The following CSF1R variants were observed in gnomAD, a reference collection of about 807,000 sequenced individuals.
The protein encoded by CSF1R is macrophage colony-stimulating factor 1 receptor.
In CSF1R, 40 loss-of-function variants were observed where a neutral mutation model predicts 110.0. That is an observed-to-expected ratio of 0.36 (90% CI 0.28 to 0.47). CSF1R has a LOEUF of 0.47. Among genes scored for constraint, CSF1R ranks in the 20% least tolerant of loss-of-function variants. CSF1R has a pLI of 0.99. For missense variants in CSF1R, 1,052 were observed against 1,253.0 expected, an observed-to-expected ratio of 0.84 and a Z score of 2.42; for synonymous variants, 523 against 503.4, an observed-to-expected ratio of 1.04 and a Z score of -0.52.
At position 150,073,607 on chromosome 5, in the gene CSF1R, A is replaced by G. The variant is rs1364589723; in HGVS notation, c.890-114T>C. The G allele has an allele frequency of 6.3e-5, 66 of 1,055,626 alleles. No homozygotes were observed. The East Asian group carries it at 1.7e-3, about 27-fold the overall frequency. 65.4% of individuals were successfully genotyped at this position (1,055,626 alleles called of 1,614,324 possible). ...CCCTGAGCAGCTATGTCACAGGTAC[A>G]TAGTCCCCACCACCCAAGACAGGTC... is the stretch of plus-strand genomic sequence containing the variant. On this transcript the variant is annotated intron_variant, in intron 5 of 20. Transcript: ENST00000675795.
In CSF1R at chr5:150,070,568, G is replaced by A. The variant is rs2113810247; in HGVS notation, c.1086C>T (p.His362=). 2 of 1,523,206 alleles carry A rather than the reference G, an allele frequency of 1.3e-6. No individual in the cohort carries two copies. Among genetic ancestry groups the A allele is most frequent in the Non-Finnish European group, 1.8e-6 (2 of 1,134,704 alleles). The allele number at this position is 1,523,206 out of a possible 1,614,324, so 94.4% of individuals were successfully genotyped here. The part of the protein sequence containing the change: ...ANATTKDTYR[H]TFTLSLPRLK... ...GGCGGGGCAGAGAGAGGGTGAAGGTGTGCCTGCAGGAGAGAATCAGGTGGT... is the reference window on the plus strand; with the variant it reads ...GGCGGGGCAGAGAGAGGGTGAAGGTATGCCTGCAGGAGAGAATCAGGTGGT... Residue 362 remains histidine, a synonymous_variant, in exon 7 of 21, where the codon CAC becomes CAT. Coordinates refer to ENST00000675795, the MANE Select transcript of CSF1R (RefSeq NM_001288705.3).
chr5:150,075,890 A>C (rs1758239009), intron 5 of CSF1R, among the ~76,000 whole-genome samples: 2 of 152,242 alleles, frequency 1.3e-5, no homozygotes, highest in Non-Finnish European at 2.9e-5. Flanking sequence ...GGTCCACAGC[A>C]GAGCTCACAA....
At chr5:150,108,104 CAAG>C (rs1028066970) in intron 1 of CSF1R, among the ~76,000 whole-genome samples, 60 of 151,994 alleles carry the variant, frequency 3.9e-4, no homozygotes, top group African/African-American at 1.5e-3. Context: ...AGGAATGTTC[CAAG>C]AAGGAGAAAC....
chr5:150,102,793 G>A (rs527395258), intron 1 of CSF1R, among the ~76,000 whole-genome samples: 11 of 152,300 alleles, frequency 7.2e-5, no homozygotes, highest in East Asian at 3.9e-4. Context: ...TGAACTATTC[G>A]TTATCTGTAT....
Position 150,070,020 on chromosome 5 carries a change from G to T in CSF1R, c.1363C>A (p.Pro455Thr). The change falls in exon 9 of 21, where the codon CCT (proline) becomes ACT (threonine). Residue 455 changes from proline (P) to threonine (T), a missense_variant. Transcript: ENST00000675795. Reference sequence around the variant, plus strand: ...AAGGGCTCCTGGCTCAGGACCTCAGGGTATGGGTCATCCCAGACCTGCAGC... The same window carrying T: ...AAGGGCTCCTGGCTCAGGACCTCAGTGTATGGGTCATCCCAGACCTGCAGC... ...QVLQVWDDPY[P>T]EVLSQEPFHK... 6.2e-7 allele frequency: 1 copy of T among 1,614,096 alleles called. No individual in the cohort carries two copies. The highest frequency in any genetic ancestry group is 8.5e-7 in the Non-Finnish European group (1 of 1,179,990).
intron 1 of CSF1R, among the ~76,000 whole-genome samples, chr5:150,108,729 C>T (rs1391538394): frequency 6.6e-6 from 1 of 152,172 alleles, no homozygotes; most frequent in African/African-American, 2.4e-5. Context: ...AAATCTAAAA[C>T]CAGAGACTGT....
chr5:150,086,361 C>G lies in CSF1R; in HGVS notation c.49+18G>C, dbSNP rs375924060. ...ATCACACCCCAACAAAGTCCCCCAC[C>G]CCCCGTTCTGCTCTTACCATGCCAA... On this transcript the variant is annotated intron_variant, in intron 1 of 20. Coordinates refer to ENST00000675795, the MANE Select transcript of CSF1R (RefSeq NM_001288705.3). 13 of 1,596,434 alleles carry G rather than the reference C, an allele frequency of 8.1e-6. No individual in the cohort carries two copies. The highest frequency in any genetic ancestry group is 1.3e-5 in the African/African-American group (1 of 74,552).
At chr5:150,101,036 A>T (rs566976061) in intron 1 of CSF1R, among the ~76,000 whole-genome samples, 1 of 151,454 alleles carries the variant, frequency 6.6e-6, no homozygotes, top group Non-Finnish European at 1.5e-5. Flanking sequence ...TCAGTACCCG[A>T]TCTCTTTGCC....
chr5:150,057,311 G>A lies in CSF1R; in HGVS notation c.2295C>T (p.Gly765=), dbSNP rs1466597618. 2 of 1,613,794 alleles carry A rather than the reference G, an allele frequency of 1.2e-6. No homozygotes were observed. The highest frequency in any genetic ancestry group is 4.5e-5 in the East Asian group (2 of 44,874). ...LLHFSSQVAQ[G]MAFLASKNCI... The stretch of plus-strand genomic sequence containing the variant: ...CATTCTTGGAAGCGAGGAAGGCCAT[G>A]CCCTGGGCTACTTGGCTGGAGAAGT... Residue 765 remains glycine (G), a synonymous_variant, in exon 16 of 21, where the codon GGC becomes GGT. Transcript: ENST00000675795.
intron 5 of CSF1R, among the ~76,000 whole-genome samples, chr5:150,074,394 G>A (rs754502916): frequency 2.1e-5 from 3 of 141,148 alleles, no homozygotes; most frequent in African/African-American, 5.3e-5. Context: ...TGCAACCTCC[G>A]CCTCCCAGGT....
chr5:150,078,836 C>T (rs1314192689), intron 3 of CSF1R, among the ~76,000 whole-genome samples: 1 of 152,122 alleles, frequency 6.6e-6, no homozygotes, highest in East Asian at 1.9e-4. Flanking sequence ...ATCTTTAGCT[C>T]AAAAATTCCT....
intron 1 of CSF1R, among the ~76,000 whole-genome samples, chr5:150,083,050 C>G (rs987053114): frequency 5.9e-5 from 9 of 152,030 alleles, no homozygotes; most frequent in Non-Finnish European, 1.3e-4. Flanking sequence ...TTGTCCTATC[C>G]TATTGTCCCA....
At chr5:150,101,031 A>C (rs546624113) in intron 1 of CSF1R, among the ~76,000 whole-genome samples, 3 of 150,928 alleles carry the variant, frequency 2.0e-5, no homozygotes, top group Admixed American at 6.6e-5. Flanking sequence ...TCCTTTCAGT[A>C]CCCGATCTCT....
chr5:150,065,449 G>GC (rs1038881395), intron 10 of CSF1R, among the ~76,000 whole-genome samples: 2 of 152,098 alleles, frequency 1.3e-5, no homozygotes, highest in East Asian at 1.9e-4. Context: ...TTCCCCCACG[G>GC]CCCCCCTTGT....
chr5:150,093,309 C>G (rs1052025627), intron 1 of CSF1R, among the ~76,000 whole-genome samples: 1 of 152,154 alleles, frequency 6.6e-6, no homozygotes. Context: ...GAATTCCTGA[C>G]TTCAGGTCAT....
chr5:150,087,668 C>A (rs1246459550), upstream of CSF1R, among the ~76,000 whole-genome samples: 2 of 152,124 alleles, frequency 1.3e-5, no homozygotes, highest in Non-Finnish European at 2.9e-5. Context: ...GCTTTTACCT[C>A]TTTTAGTTGA....
chr5:150,102,790 T>C (rs560159444), intron 1 of CSF1R, among the ~76,000 whole-genome samples: 12 of 152,342 alleles, frequency 7.9e-5, no homozygotes, highest in African/African-American at 2.6e-4. Context: ...TATTGAACTA[T>C]TCGTTATCTG....
At chr5:150,088,058 A>G (rs1204340043), upstream of CSF1R, among the ~76,000 whole-genome samples, 3 of 152,172 alleles carry the variant, frequency 2.0e-5, no homozygotes, top group African/African-American at 7.2e-5. Context: ...TTGAAATTGA[A>G]AAATCCTGAT....
chr5:150,095,679 A>G (rs1185868318), intron 1 of CSF1R, among the ~76,000 whole-genome samples: 3 of 152,044 alleles, frequency 2.0e-5, no homozygotes, highest in South Asian at 2.1e-4. Context: ...GCAGAAATCA[A>G]TAAAATCCAG....
Sources: allele counts gnomAD v4.1 joint callset (sites outside exome capture counted in the v4.1 genomes callset), GRCh38; gene constraint gnomAD v4.1.1; transcripts MANE v1.5; gene names NCBI Gene and HGNC (gene_info 2026-07-23, HGNC 2026-07-21).